The following ABCA9 variants were observed in gnomAD, a reference collection of about 807,000 sequenced individuals.
The protein encoded by ABCA9 is ATP-binding cassette sub-family A member 9.
A neutral mutation model predicts 205.3 loss-of-function variants in ABCA9; 183 were observed. The ratio of observed to expected loss-of-function variants is 0.89; its 90% CI spans 0.79 to 1.01. The LOEUF is 1.01. Among genes scored for constraint, ABCA9 ranks in the 50% least tolerant of loss-of-function variants. The pLI, the probability that ABCA9 is intolerant of heterozygous loss-of-function variation, is 0.00. For missense variants in ABCA9, 1,805 were observed against 1,912.4 expected (o/e 0.94, Z 1.05); for synonymous variants, 651 against 683.3 (o/e 0.95, Z 0.74).
chr17:69,011,862 A>C, intron 23 of ABCA9, 114 bp downstream of exon 23: 1 of 560,476 alleles, frequency 1.8e-6, no homozygotes, highest in South Asian at 3.5e-5. Context: ...TTGATTATTC[A>C]TTGCATCAAG....
intron 19 of ABCA9, among the ~76,000 whole-genome samples, chr17:69,019,267 A>G (rs1357579426): frequency 6.6e-6 from 1 of 152,194 alleles, no homozygotes; most frequent in Non-Finnish European, 1.5e-5. Context: ...CATTTTGTTG[A>G]CATTATGTCA....
At position 69,021,804 on chromosome 17, in the gene ABCA9, G is replaced by T; in HGVS notation, c.2339C>A (p.Ser780Tyr). 1.3e-6 allele frequency: 2 copies of T among 1,595,466 alleles called. No homozygotes were observed. Among genetic ancestry groups the T allele is most frequent in the Non-Finnish European group, 1.7e-6 (2 of 1,170,434 alleles). ...SNQGIEDYGV[S>Y]ITTLNEVFLK... Reference sequence around the variant, plus strand: ...AAACACCTCATTCAAAGTTGTTATGGAAACACCATAATCCTCAATGCCTTG... The same window carrying T: ...AAACACCTCATTCAAAGTTGTTATGTAAACACCATAATCCTCAATGCCTTG... Residue 780 changes from serine to tyrosine, a missense_variant, in exon 18 of 39, where the codon TCC (serine) becomes TAC (tyrosine). Transcript: ENST00000340001.
At position 69,051,118 on chromosome 17, in the gene ABCA9, C is replaced by G. The variant is rs747063365; in HGVS notation, c.9G>C (p.Lys3Asn). Residue 3 changes from lysine to asparagine, a missense_variant, in exon 2 of 39, where the codon AAG (lysine) becomes AAC (asparagine). Coordinates refer to ENST00000340001, the MANE Select transcript of ABCA9 (RefSeq NM_080283.4). ...TTTGCTGACCCACGCTCATGCGTCT[C>G]TTGCTCATTTTGACCTGTTTCCTTT... is the stretch of plus-strand genomic sequence containing the variant. MS[K>N]RRMSVGQQTW... is the part of the protein sequence containing the mutation. The G allele has an allele frequency of 2.7e-5, 44 of 1,613,342 alleles. No homozygotes were observed. The highest frequency in any genetic ancestry group is 3.6e-5 in the Non-Finnish European group (43 of 1,179,710).
At chr17:69,037,350 A>T (rs2071380731) in intron 6 of ABCA9, among the ~76,000 whole-genome samples, 1 of 152,210 alleles carries the variant, frequency 6.6e-6, no homozygotes, top group Admixed American at 6.5e-5. Flanking sequence ...AAGAACGGAA[A>T]TCATAACAAA....
At chr17:69,038,849 GATAAGCA>G (rs1483550818) in intron 6 of ABCA9, among the ~76,000 whole-genome samples, 13 of 152,150 alleles carry the variant, frequency 8.5e-5, no homozygotes, top group Non-Finnish European at 1.5e-5. Flanking sequence ...TCCTTAAGTT[GATAAGCA>G]ACTTCAGCAA....
rs1241992280 is a variant in ABCA9, at chr17:69,027,108, G to A, written c.1918C>T (p.Leu640=). The part of the protein sequence containing the change: ...IAILGDPQVL[L]LDEPTAGLDP... ...AATCCAGCAGTCGGTTCATCCAATA[G>A]CAAAACCTGGACAGGAGGAAAGTCC... The change falls in exon 15 of 39, where the codon CTA becomes TTA. Residue 640 remains leucine (L), a synonymous_variant. Coordinates refer to ENST00000340001, the MANE Select transcript of ABCA9 (RefSeq NM_080283.4). 4 of 1,613,798 alleles carry A rather than the reference G, an allele frequency of 2.5e-6. No homozygotes were observed. The highest frequency in any genetic ancestry group is 2.2e-5 in the East Asian group (1 of 44,900).
intron 28 of ABCA9, among the ~76,000 whole-genome samples, chr17:68,991,230 C>A (rs2069445477): frequency 6.6e-6 from 1 of 152,144 alleles, no homozygotes; most frequent in African/African-American, 2.4e-5. Context: ...AAGTGGTATA[C>A]ACCCTCTGGC....
At chr17:69,077,615 T>C in the ABCA9 span, among the ~76,000 whole-genome samples, 1 of 152,196 alleles carries the variant, frequency 6.6e-6, no homozygotes, top group Non-Finnish European at 1.5e-5. Context: ...TGAAGTTTCC[T>C]ACTACCATTG....
At chr17:69,038,676 T>G (rs1182978269) in intron 6 of ABCA9, among the ~76,000 whole-genome samples, 1 of 152,160 alleles carries the variant, frequency 6.6e-6, no homozygotes, top group Non-Finnish European at 1.5e-5. Context: ...ACGCCCTCTC[T>G]CACCACTCCT....
Position 69,015,153 on chromosome 17 carries a change from CTATTCCA to C in ABCA9, c.3039+1093_3039+1099del, listed in dbSNP as rs1292662806. Among the ~76,000 whole-genome samples the C allele has an allele frequency of 5.4e-5, 8 of 148,970 alleles. No individual in the cohort carries two copies. In the East Asian group the frequency reaches 1.5e-3, roughly 29 times the overall value. On this transcript the variant is annotated intron_variant, in intron 22 of 38. Transcript: ENST00000340001. ...TGAGAGCTAGGACACCCTCCCTTTT[CTATTCCA>C]TGTGTTAGACTGCAAAGGGAAATGG...
At position 68,976,210 on chromosome 17, in the gene ABCA9, C is replaced by T. The variant is rs768808084; in HGVS notation, c.4721-20G>A. On this transcript the variant is annotated intron_variant, in intron 37 of 38. Coordinates refer to ENST00000340001, the MANE Select transcript of ABCA9 (RefSeq NM_080283.4). ...GTTTAACTGCATAAGAATGAGCATA[C>T]ATTAGGAATTCTATTTTTTTTTTCA... 1.1e-5 allele frequency: 17 copies of T among 1,603,382 alleles called. No homozygotes were observed. Among genetic ancestry groups the T allele is most frequent in the Non-Finnish European group, 5.1e-6 (6 of 1,174,672 alleles).
At chr17:69,047,803 A>G (rs2071768828) in intron 3 of ABCA9, among the ~76,000 whole-genome samples, 1 of 152,192 alleles carries the variant, frequency 6.6e-6, no homozygotes, top group Admixed American at 6.6e-5. Flanking sequence ...CCCATCCTGC[A>G]AATTTCACGC....
chr17:68,993,749 G>T (rs149259348), intron 26 of ABCA9, among the ~76,000 whole-genome samples: 81 of 152,288 alleles, frequency 5.3e-4, no homozygotes, highest in Non-Finnish European at 1.0e-3. Flanking sequence ...CACATTGGAT[G>T]ATGTGCACGA....
intron 6 of ABCA9, among the ~76,000 whole-genome samples, chr17:69,038,292 G>T (rs750569282): frequency 1.3e-5 from 2 of 152,162 alleles, no homozygotes; most frequent in Non-Finnish European, 2.9e-5. Context: ...CAATATTCCT[G>T]ATGAACATTG....
chr17:69,023,351 T>A lies in ABCA9; in HGVS notation c.2281+863A>T, dbSNP rs1281504591. 1 of 152,192 alleles carries A rather than the reference T, an allele frequency of 6.6e-6. No homozygotes were observed. Among genetic ancestry groups the A allele is most frequent in the East Asian group, 1.9e-4 (1 of 5,194 alleles). The allele number at this position is 152,192 out of a possible 1,614,324, so 9.4% of individuals were successfully genotyped here. A position where few individuals can be genotyped will look rare whatever the true frequency, so the allele number is the denominator to read the frequency against. ...CCTCATAACAACCCTAGAGTACTAT[T>A]TTAATTTTCTTTTCACAAGTGAGGA... On this transcript the variant is annotated intron_variant, in intron 17 of 38. Transcript: ENST00000340001. The surrounding 1 kb of genome is among the most constrained non-coding windows in gnomAD (Gnocchi z 4.2).
At chr17:69,013,918 C>T (rs1680269456) in intron 22 of ABCA9, among the ~76,000 whole-genome samples, 1 of 152,104 alleles carries the variant, frequency 6.6e-6, no homozygotes, top group African/African-American at 2.4e-5. Context: ...GGTGGCAATT[C>T]AAAGAGATAA....
chr17:69,033,639 C>T, intron 9 of ABCA9, 87 bp downstream of exon 9: 2 of 1,168,726 alleles, frequency 1.7e-6, no homozygotes, highest in Non-Finnish European at 2.4e-6. Flanking sequence ...AAACTGCTTG[C>T]TAATTTTTAT....
chr17:69,016,117 T>C (rs545714588), intron 22 of ABCA9, 136 bp downstream of exon 22: 57 of 283,200 alleles, frequency 2.0e-4, no homozygotes, highest in African/African-American at 1.3e-3. Context: ...TATATATATA[T>C]ATATATACAC....
chr17:69,007,999 T>G, intron 24 of ABCA9, 63 bp downstream of exon 24: 1 of 1,502,254 alleles, frequency 6.7e-7, no homozygotes, highest in Non-Finnish European at 9.1e-7. Context: ...TTAAGATTAA[T>G]GATATTACTG....
Sources: gnomAD v4.1 joint callset for allele counts (sites outside exome capture counted in the v4.1 genomes callset) on GRCh38, gnomAD v4.1.1 for gene constraint, Gnocchi (gnomAD v3.1) non-coding constraint, MANE v1.5 for transcripts, NCBI Gene and HGNC (gene_info 2026-07-23, HGNC 2026-07-21) for gene names.